RGS3: variants seen among roughly 807,000 people sequenced by gnomAD.
RGS3 encodes the protein regulator of G protein signaling 3.
In RGS3, 80 loss-of-function variants were observed where a neutral mutation model predicts 132.6. The observed-to-expected ratio is 0.60, with a 90% CI of 0.50 to 0.73. The LOEUF (loss-of-function observed/expected upper bound fraction) is 0.73. Ranked by LOEUF, RGS3 falls within the 30% of genes least tolerant of loss-of-function variation. The probability of loss-of-function intolerance (pLI) is 0.00; values close to 1 mark genes in which losing one functional copy is unlikely to be tolerated. For missense variants in RGS3, 1,382 were observed against 1,530.8 expected, an observed-to-expected ratio of 0.90 and a Z score of 1.62; for synonymous variants, 598 against 620.6, an observed-to-expected ratio of 0.96 and a Z score of 0.54.
At chr9:113,585,300 A>G (rs1378452491) in intron 20 of RGS3, among the ~76,000 whole-genome samples, 1 of 152,238 alleles carries the variant, frequency 6.6e-6, no homozygotes, top group Non-Finnish European at 1.5e-5. Context: ...CCTCTGAGCC[A>G]TAGTTTTCTT....
chr9:113,505,337 A>T, intron 10 of RGS3, 105 bp from the exon 9 acceptor site: 1 of 923,262 alleles, frequency 1.1e-6, no homozygotes, highest in Non-Finnish European at 1.7e-6. Flanking sequence ...GTTCCCTTGG[A>T]GAGGAGGGTG....
exon 20 of RGS3, chr9:113,584,365 G>C (rs757485962): frequency 1.3e-6 from 2 of 1,561,968 alleles, no homozygotes; most frequent in African/African-American, 1.4e-5. Context: ...CCTCAAGAAA[G>C]AGCTGGGCCG....
intron 1 of RGS3, among the ~76,000 whole-genome samples, chr9:113,460,782 T>C (rs1829453349): frequency 6.6e-6 from 1 of 152,212 alleles, no homozygotes; most frequent in Admixed American, 6.5e-5. Flanking sequence ...GATGATATCT[T>C]AAAGTCACTA....
intron 7 of RGS3, among the ~76,000 whole-genome samples, chr9:113,489,519 T>C (rs1830439531): frequency 1.3e-5 from 2 of 152,134 alleles, no homozygotes; most frequent in South Asian, 4.1e-4. Flanking sequence ...TTTGCATTTA[T>C]AGTGTAGTTT....
chr9:113,455,270 C>A (rs529471732), upstream of RGS3, among the ~76,000 whole-genome samples: 1 of 152,156 alleles, frequency 6.6e-6, no homozygotes, highest in Admixed American at 6.6e-5. Context: ...AAGGGAAAAT[C>A]CAGTTCCTGT....
intron 10 of RGS3, among the ~76,000 whole-genome samples, chr9:113,502,113 A>G (rs1830926865): frequency 1.3e-5 from 2 of 152,122 alleles, no homozygotes; most frequent in South Asian, 2.1e-4. Flanking sequence ...ATGCCTCACT[A>G]TGGCTCAGGA....
At chr9:113,482,594 A>G (rs906730631) in intron 4 of RGS3, among the ~76,000 whole-genome samples, 19 of 152,158 alleles carry the variant, frequency 1.2e-4, no homozygotes, top group African/African-American at 4.6e-4. Context: ...CCTAGAAGGC[A>G]GTCTTGTGTG....
intron 20 of RGS3, among the ~76,000 whole-genome samples, chr9:113,588,177 G>A (rs1835219750): frequency 6.6e-6 from 1 of 152,210 alleles, no homozygotes; most frequent in African/African-American, 2.4e-5. Context: ...GAGGGTGCCA[G>A]CCCTGTTTCA....
intron 19 of RGS3, among the ~76,000 whole-genome samples, chr9:113,569,552 C>T (rs1834171526): frequency 6.7e-6 from 1 of 149,352 alleles, no homozygotes; most frequent in Admixed American, 6.6e-5. Flanking sequence ...TCCTCTCTGC[C>T]TGTCTCCCTT....
chr9:113,568,025 G>A (rs1164550745), intron 19 of RGS3, among the ~76,000 whole-genome samples: 1 of 152,224 alleles, frequency 6.6e-6, no homozygotes, highest in Non-Finnish European at 1.5e-5. Flanking sequence ...TGGTGTAAAA[G>A]CAACTGCGGT....
chr9:113,496,797 C>T lies in RGS3; in HGVS notation c.751-517C>T, dbSNP rs148557084. Among the ~76,000 whole-genome samples, 1,111 of 152,210 alleles carry T rather than the reference C, an allele frequency of 7.3e-3. 10 individuals are homozygous for T. The highest frequency in any genetic ancestry group is 0.025 in the African/African-American group (1,051 of 41,506). On this transcript the variant is annotated intron_variant, in intron 8 of 24. Transcript: ENST00000350696. ...AACTCCTGACCTCAGGTGATCCACC[C>T]GTCTCGGCCTCCCAAAGTGCTGGGA... is the stretch of plus-strand genomic sequence containing the variant.
chr9:113,587,162 C>T (rs563539979), intron 20 of RGS3, among the ~76,000 whole-genome samples: 1 of 151,740 alleles, frequency 6.6e-6, no homozygotes, highest in South Asian at 2.1e-4. Context: ...CTGGACAAGG[C>T]CTCACCATTG....
exon 25 of RGS3, chr9:113,597,602 G>T (rs894598281): frequency 6.6e-6 from 1 of 152,510 alleles, no homozygotes; most frequent in Non-Finnish European, 1.5e-5. Context: ...GGACACTGCA[G>T]TCTGGCTACA....
intron 18 of RGS3, chr9:113,536,592 C>T (rs886829195): frequency 1.4e-6 from 2 of 1,402,198 alleles, no homozygotes; most frequent in East Asian, 5.4e-5. Flanking sequence ...CCACAGCTCG[C>T]CAGCTGGCCC....
At chr9:113,541,308 C>A in intron 19 of RGS3, 1 of 1,611,926 alleles carries the variant, frequency 6.2e-7, no homozygotes, top group South Asian at 1.1e-5. Flanking sequence ...CCAGTTCTGT[C>A]TGGTTCCACA....
chr9:113,552,447 G>T (rs989554128), intron 19 of RGS3, among the ~76,000 whole-genome samples: 32 of 152,262 alleles, frequency 2.1e-4, no homozygotes, highest in Admixed American at 1.8e-3. Context: ...CTCCAGAGTA[G>T]CTGGGACTAC....
intron 7 of RGS3, among the ~76,000 whole-genome samples, chr9:113,488,807 G>A (rs1830416732): frequency 6.6e-6 from 1 of 152,224 alleles, no homozygotes; most frequent in South Asian, 2.1e-4. Context: ...CAGCACGCAG[G>A]CCGGCCTGGC....
intron 3 of RGS3, among the ~76,000 whole-genome samples, chr9:113,472,305 A>T (rs934227158): frequency 3.3e-5 from 5 of 152,184 alleles, no homozygotes; most frequent in Non-Finnish European, 5.9e-5. Context: ...TCACACAAAC[A>T]TGTGTACACA....
chr9:113,554,119 A>G (rs1833472136), intron 19 of RGS3, among the ~76,000 whole-genome samples: 1 of 152,234 alleles, frequency 6.6e-6, no homozygotes, highest in Non-Finnish European at 1.5e-5. Context: ...ATAGTTGAGA[A>G]ACCAAAGGAA....
Sources: gnomAD v4.1 joint callset for allele counts (sites outside exome capture counted in the v4.1 genomes callset) on GRCh38, gnomAD v4.1.1 for gene constraint, MANE v1.5 for transcripts, NCBI Gene and HGNC (gene_info 2026-07-23, HGNC 2026-07-21) for gene names.